The following DBNDD1 variants were observed in gnomAD, a reference collection of about 807,000 sequenced individuals.
The protein encoded by DBNDD1 is dysbindin domain containing 1, also known as dysbindin domain-containing protein 1.
Under a neutral mutation model 17.0 loss-of-function variants are expected in DBNDD1, and 14 were observed. The observed-to-expected ratio is 0.82, with a 90% CI of 0.54 to 1.29. DBNDD1 has a LOEUF of 1.29. Among genes scored for constraint, DBNDD1 ranks in the 50% most tolerant of loss-of-function variants. DBNDD1 has a pLI of 0.00. For synonymous variants in DBNDD1, 105 were observed against 102.0 expected (o/e 1.03, Z -0.18); for missense variants, 221 against 216.2 (o/e 1.02, Z -0.14).
rs1408578983 is a variant in DBNDD1 at position 90,006,286 on chromosome 16, A to G, written c.*49T>C. ...TGGGTCAGCACTGCCCAGATCTGCC[A>G]TCGTGTTCGGACCCCATCCCTGCAG... On this transcript the variant is annotated 3_prime_UTR_variant, in exon 4 of 4. Transcript: ENST00000002501. 2 of 1,560,306 alleles carry G rather than the reference A, an allele frequency of 1.3e-6. No individual in the cohort carries two copies. The highest frequency in any genetic ancestry group is 2.3e-5 in the East Asian group (1 of 43,356).
At chr16:90,010,674 G>A (rs1388425751) in intron 1 of DBNDD1, among the ~76,000 whole-genome samples, 2 of 152,086 alleles carry the variant, frequency 1.3e-5, no homozygotes, top group Non-Finnish European at 2.9e-5. Flanking sequence ...TCAGATGAGA[G>A]CAGGAGGCCC....
At chr16:90,012,908 A>C (rs1048817222) in intron 1 of DBNDD1, among the ~76,000 whole-genome samples, 3 of 151,108 alleles carry the variant, frequency 2.0e-5, no homozygotes, top group Non-Finnish European at 4.4e-5. Flanking sequence ...TGGCTAATTA[A>C]AATTTTTTTG....
intron 1 of DBNDD1, among the ~76,000 whole-genome samples, chr16:90,018,769 C>G (rs1257737437): frequency 6.6e-6 from 1 of 152,198 alleles, no homozygotes; most frequent in Non-Finnish European, 1.5e-5. Context: ...GCCACCCTTG[C>G]AGCTCTGGAG....
At position 90,008,891 on chromosome 16, in the gene DBNDD1, T is replaced by C; in HGVS notation, c.212A>G (p.His71Arg). The C allele has an allele frequency of 6.3e-7, 1 of 1,586,104 alleles. No homozygotes were observed. Among genetic ancestry groups the C allele is most frequent in the Non-Finnish European group, 8.6e-7 (1 of 1,162,692 alleles). ...CTCAGTGAGGTCCAGGAGGTCGAAG[T>C]GGACCTCCAGAGAGGAGACGCTGCT... ...PLSSVSSLEV[H>R]FDLLDLTELT... is the part of the protein sequence containing the mutation. Residue 71 changes from histidine (H) to arginine (R), a missense_variant, in exon 3 of 4, where the codon CAC (histidine) becomes CGC (arginine). Transcript: ENST00000002501.
Position 90,004,994 on chromosome 16 carries a change from G to A in DBNDD1, c.*1341C>T, listed in dbSNP as rs776312541. 6.5e-6 allele frequency: 1 copy of A among 152,770 alleles called. No individual in the cohort carries two copies. Among genetic ancestry groups the A allele is most frequent in the Non-Finnish European group, 1.5e-5 (1 of 68,124 alleles). 9.5% of individuals were successfully genotyped at this position (152,770 alleles called of 1,614,324 possible). The stretch of plus-strand genomic sequence containing the variant: ...GTGGAAGTGTGGCCAGGGACACAAG[G>A]CTGCCCTTATGGGACTGAAAGAGAA... On this transcript the variant is annotated 3_prime_UTR_variant, in exon 4 of 4. Transcript: ENST00000002501.
intron 1 of DBNDD1, among the ~76,000 whole-genome samples, chr16:90,013,925 T>TGGGG (rs1433599117): frequency 9.3e-5 from 1 of 10,728 alleles, no homozygotes; most frequent in Non-Finnish European, 1.6e-4. Flanking sequence ...TGATACTGGG[T>TGGGG]GGGGCGGGGG....
chr16:90,018,151 C>G (rs1279204691), intron 1 of DBNDD1, among the ~76,000 whole-genome samples: 1 of 152,238 alleles, frequency 6.6e-6, no homozygotes, highest in Non-Finnish European at 1.5e-5. Context: ...CTGGAAACAG[C>G]TCGGAGACCC....
chr16:90,014,786 C>G (rs935495084), intron 1 of DBNDD1, among the ~76,000 whole-genome samples: 2 of 152,044 alleles, frequency 1.3e-5, no homozygotes, highest in African/African-American at 4.8e-5. Context: ...GGGCGGATCA[C>G]TTGAGGCCAG....
chr16:90,018,132 A>G (rs551384797), intron 1 of DBNDD1, among the ~76,000 whole-genome samples: 169 of 152,316 alleles, frequency 1.1e-3, no homozygotes, highest in African/African-American at 4.0e-3. Flanking sequence ...GACTGCCCAC[A>G]GTTCACAGCT....
intron 1 of DBNDD1, among the ~76,000 whole-genome samples, chr16:90,016,644 G>T (rs1247268730): frequency 6.6e-6 from 1 of 152,152 alleles, no homozygotes; most frequent in Non-Finnish European, 1.5e-5. Context: ...CAGGAGTTGG[G>T]GTGCCTCAGC....
intron 1 of DBNDD1, among the ~76,000 whole-genome samples, chr16:90,018,817 C>T (rs1196403863): frequency 6.6e-6 from 1 of 152,176 alleles, no homozygotes; most frequent in East Asian, 1.9e-4. Flanking sequence ...CCCACATCCC[C>T]AAGACCCATC....
At chr16:90,014,775 C>A (rs534791873) in intron 1 of DBNDD1, among the ~76,000 whole-genome samples, 4 of 152,026 alleles carry the variant, frequency 2.6e-5, no homozygotes, top group Non-Finnish European at 5.9e-5. Context: ...GAGGCCAAGG[C>A]GGGCGGATCA....
chr16:90,008,802 T>C lies in DBNDD1; in HGVS notation c.301A>G (p.Asn101Asp). The C allele has an allele frequency of 6.2e-7, 1 of 1,601,880 alleles. No individual in the cohort carries two copies. The highest frequency in any genetic ancestry group is 8.5e-7 in the Non-Finnish European group (1 of 1,171,890). Residue 101 changes from asparagine (N) to aspartate (D), a missense_variant, in exon 3 of 4, where the codon AAC (asparagine) becomes GAC (aspartate). Asn to Asp is a conservative substitution (Grantham distance 23). Transcript: ENST00000002501. The part of the protein sequence containing the change: ...VFADSDDENL[N>D]TESPAGLHPL... ...GCCTCACCTGCTGGGGACTCGGTGTTGAGGTTCTCGTCGTCCGAGTCAGCA... is the reference window on the plus strand; with the variant it reads ...GCCTCACCTGCTGGGGACTCGGTGTCGAGGTTCTCGTCGTCCGAGTCAGCA...
At chr16:90,014,275 C>CAT (rs1555644626) in intron 1 of DBNDD1, among the ~76,000 whole-genome samples, 4 of 151,916 alleles carry the variant, frequency 2.6e-5, no homozygotes, top group Non-Finnish European at 5.9e-5. Flanking sequence ...TACAGGCGTG[C>CAT]GCCACCATGC....
chr16:90,011,396 G>C (rs1486381911), intron 1 of DBNDD1, among the ~76,000 whole-genome samples: 1 of 152,260 alleles, frequency 6.6e-6, no homozygotes, highest in Non-Finnish European at 1.5e-5. Context: ...CAGGTGCCCG[G>C]CCTCCTGAGT....
intron 1 of DBNDD1, 24 bp from the exon 2 acceptor site, chr16:90,009,454 C>T (rs1288698914): frequency 1.9e-6 from 3 of 1,606,420 alleles, no homozygotes; most frequent in Non-Finnish European, 2.5e-6. Context: ...CACAGTGTCA[C>T]CTTGAGATCC....
At chr16:90,014,456 G>A (rs893645063) in intron 1 of DBNDD1, among the ~76,000 whole-genome samples, 3 of 152,194 alleles carry the variant, frequency 2.0e-5, no homozygotes, top group East Asian at 3.9e-4. Context: ...AGGCCAGCAA[G>A]GGCACAGTCC....
chr16:90,019,620 T>G (rs867479173), upstream of DBNDD1: 9 of 378,316 alleles, frequency 2.4e-5, no homozygotes, highest in Middle Eastern at 6.8e-4. This position sits in a 1 kb window ranked among gnomAD's most constrained non-coding sequence, Gnocchi z 6.1. Context: ...AGCGGACCCC[T>G]CCCCCGCCGA....
intron 1 of DBNDD1, among the ~76,000 whole-genome samples, chr16:90,017,591 T>A (rs536924885): frequency 1.3e-5 from 2 of 152,294 alleles, no homozygotes; most frequent in Non-Finnish European, 2.9e-5. Context: ...GAAGGGAGGT[T>A]GGTGGTAGTC....
Sources: gnomAD v4.1 joint callset for allele counts (sites outside exome capture counted in the v4.1 genomes callset) on GRCh38, gnomAD v4.1.1 for gene constraint, Gnocchi (gnomAD v3.1) non-coding constraint, MANE v1.5 for transcripts, NCBI Gene and HGNC (gene_info 2026-07-23, HGNC 2026-07-21) for gene names.